Variants in ALG9 observed in about 807,000 individuals in gnomAD.
ALG9 encodes alpha-1,2-mannosyltransferase ALG9.
A neutral mutation model predicts 81.8 loss-of-function variants in ALG9; 55 were observed. The ratio of observed to expected loss-of-function variants is 0.67; its 90% CI spans 0.54 to 0.84. The LOEUF is 0.84. ALG9 is among the 40% of genes least tolerant of loss of function. The pLI is 0.00. For synonymous variants in ALG9, 278 were observed against 274.3 expected, an observed-to-expected ratio of 1.01 and a Z score of -0.13; for missense variants, 629 against 745.0, an observed-to-expected ratio of 0.84 and a Z score of 1.81.
chr11:111,862,964 C>A (rs1188390377), intron 4 of ALG9, among the ~76,000 whole-genome samples: 1 of 152,090 alleles, frequency 6.6e-6, no homozygotes, highest in Non-Finnish European at 1.5e-5. Context: ...ATTATAATTT[C>A]TTGTTCACTA....
intron 13 of ALG9, among the ~76,000 whole-genome samples, chr11:111,832,905 G>C (rs1286412162): frequency 6.6e-6 from 1 of 152,106 alleles, no homozygotes; most frequent in Non-Finnish European, 1.5e-5. Context: ...GGTGATGCAT[G>C]CCTGTAGTCC....
chr11:111,773,117 G>T, the ALG9 span, among the ~76,000 whole-genome samples: 1 of 152,002 alleles, frequency 6.6e-6, no homozygotes. Context: ...TATTACAAAG[G>T]GCTCACTGAA....
intron 13 of ALG9, among the ~76,000 whole-genome samples, chr11:111,827,153 C>T (rs1555109257): frequency 6.6e-6 from 1 of 152,150 alleles, no homozygotes; most frequent in Non-Finnish European, 1.5e-5. Flanking sequence ...CATAATTCTG[C>T]CTTTTTTTCT....
At chr11:111,855,296 C>T (rs1958486832) in intron 6 of ALG9, among the ~76,000 whole-genome samples, 3 of 152,280 alleles carry the variant, frequency 2.0e-5, no homozygotes, top group Admixed American at 6.5e-5. Context: ...ACAGGTCAGT[C>T]GGCCAACCTC....
Position 111,853,697 on chromosome 11 carries a change from C to T in ALG9, c.741G>A (p.Arg247=). 6.2e-7 allele frequency: 1 copy of T among 1,614,140 alleles called. No homozygotes were observed. The highest frequency in any genetic ancestry group is 8.5e-7 in the Non-Finnish European group (1 of 1,180,006). The change falls in exon 7 of 15, where the codon AGG becomes AGA. Residue 247 remains arginine, a synonymous_variant. Transcript: ENST00000616540. ...IAFDLLVMKH[R]WKSFFHWSLM... ...GCGACCAATGAAAGAAACTCTTCCA[C>T]CTGTGTTTCATGACCAGCAAATCAA...
At chr11:111,806,975 T>C (rs2136384067) in intron 14 of ALG9, among the ~76,000 whole-genome samples, 1 of 152,194 alleles carries the variant, frequency 6.6e-6, no homozygotes, top group South Asian at 2.1e-4. Flanking sequence ...TCAAATACAG[T>C]GCATTTCTCT....
chr11:111,782,772 G>A lies in ALG9; in HGVS notation c.*3625C>T, dbSNP rs915982015. The A allele has an allele frequency of 6.6e-6, 1 of 152,160 alleles. No individual in the cohort carries two copies. Among genetic ancestry groups the A allele is most frequent in the African/African-American group, 2.4e-5 (1 of 41,450 alleles). 9.4% of individuals were successfully genotyped at this position (152,160 alleles called of 1,614,324 possible). ...AAATGGTCACCGTAGACCTCATGCTGCAGAATCATATCAGGTTTTCAAGGT... is the reference window on the plus strand; with the variant it reads ...AAATGGTCACCGTAGACCTCATGCTACAGAATCATATCAGGTTTTCAAGGT... On this transcript the variant is annotated 3_prime_UTR_variant, in exon 15 of 15. Coordinates refer to ENST00000616540, the MANE Select transcript of ALG9 (RefSeq NM_024740.2).
intron 14 of ALG9, among the ~76,000 whole-genome samples, chr11:111,807,355 C>G (rs910608813): frequency 1.3e-5 from 2 of 152,118 alleles, no homozygotes; most frequent in Non-Finnish European, 2.9e-5. Context: ...ATGCCACAGC[C>G]TTTCACTAGC....
At chr11:111,809,128 T>C (rs527353559) in intron 14 of ALG9, among the ~76,000 whole-genome samples, 2 of 152,224 alleles carry the variant, frequency 1.3e-5, no homozygotes, top group Non-Finnish European at 2.9e-5. Flanking sequence ...CAGACCTATC[T>C]GCTTTACTTG....
intron 13 of ALG9, chr11:111,829,241 C>T (rs1953904670): frequency 6.6e-6 from 1 of 152,004 alleles, no homozygotes; most frequent in Non-Finnish European, 1.5e-5. Context: ...TTTCTTGCAT[C>T]AAAAATAACA....
chr11:111,822,704 C>T (rs944961182), intron 13 of ALG9, among the ~76,000 whole-genome samples: 15 of 151,118 alleles, frequency 9.9e-5, no homozygotes, highest in South Asian at 2.1e-4. Context: ...CAATGCAACA[C>T]CGTCTCAAAA....
intron 14 of ALG9, among the ~76,000 whole-genome samples, chr11:111,802,524 G>A (rs1159541149): frequency 1.3e-5 from 2 of 152,212 alleles, no homozygotes; most frequent in Non-Finnish European, 2.9e-5. Flanking sequence ...GGAGACGGCA[G>A]TGGGAATGAG....
At chr11:111,837,341 G>A (rs1452385952) in intron 12 of ALG9, 127 bp downstream of exon 12, 17 of 1,114,108 alleles carry the variant, frequency 1.5e-5, no homozygotes, top group African/African-American at 6.2e-5. Context: ...ACAGCTCTCC[G>A]ACGTGGTAGA....
At chr11:111,789,440 A>G (rs1348762614) in intron 14 of ALG9, among the ~76,000 whole-genome samples, 3 of 151,280 alleles carry the variant, frequency 2.0e-5, no homozygotes, top group East Asian at 4.0e-4. Flanking sequence ...GGGTTTCATT[A>G]TGTTGTCCAG....
chr11:111,811,687 A>G (rs1305298865), intron 13 of ALG9, among the ~76,000 whole-genome samples: 3 of 152,244 alleles, frequency 2.0e-5, no homozygotes, highest in Non-Finnish European at 2.9e-5. Flanking sequence ...AAGGTCTGAT[A>G]CAGCCTATGC....
chr11:111,820,792 C>A (rs899771949), intron 13 of ALG9, among the ~76,000 whole-genome samples: 2 of 152,114 alleles, frequency 1.3e-5, no homozygotes, highest in African/African-American at 4.8e-5. Flanking sequence ...ATAAAAAATA[C>A]AAATGTAGGG....
chr11:111,858,539 T>G (rs1487748183), intron 5 of ALG9, among the ~76,000 whole-genome samples: 3 of 152,188 alleles, frequency 2.0e-5, no homozygotes, highest in Non-Finnish European at 4.4e-5. Flanking sequence ...CTTTGCACTC[T>G]CCACCTGCTG....
chr11:111,864,415 A>G, intron 4 of ALG9: 6 of 764,502 alleles, frequency 7.8e-6, no homozygotes, highest in Non-Finnish European at 1.2e-5. Flanking sequence ...GAGTATCTTC[A>G]AGTACAAATC....
rs149346041 is a variant in ALG9, at chr11:111,855,699, T to C, written c.701+1903A>G. On this transcript the variant is annotated intron_variant, in intron 6 of 14. Coordinates refer to ENST00000616540, the MANE Select transcript of ALG9 (RefSeq NM_024740.2). Reference sequence around the variant, plus strand: ...TATCTACTAAGCAGCTGGGAATATATGAATGAAGCTCAAGAGAGATAACTG... The same window carrying C: ...TATCTACTAAGCAGCTGGGAATATACGAATGAAGCTCAAGAGAGATAACTG... 3.9e-5 allele frequency among the ~76,000 whole-genome samples: 6 copies of C among 152,198 alleles called. No homozygotes were observed. In the East Asian group the frequency reaches 1.2e-3, roughly 29 times the overall value.
Sources: allele counts gnomAD v4.1 joint callset (sites outside exome capture counted in the v4.1 genomes callset), GRCh38; gene constraint gnomAD v4.1.1; transcripts MANE v1.5; gene names NCBI Gene and HGNC (gene_info 2026-07-23, HGNC 2026-07-21).